The following MMP26 variants were observed in gnomAD, a reference collection of about 807,000 sequenced individuals.
The protein encoded by MMP26 is matrix metalloproteinase-26.
Under a neutral mutation model 31.0 loss-of-function variants are expected in MMP26, and 33 were observed. The observed-to-expected ratio is 1.06, with a 90% CI of 0.81 to 1.42. The LOEUF (loss-of-function observed/expected upper bound fraction) is 1.42. Among genes scored for constraint, MMP26 ranks in the 40% most tolerant of loss-of-function variants. The pLI, the probability that MMP26 is intolerant of heterozygous loss-of-function variation, is 0.00. For synonymous variants in MMP26, 122 were observed against 114.9 expected, an observed-to-expected ratio of 1.06 and a Z score of -0.40; for missense variants, 347 against 316.1, an observed-to-expected ratio of 1.10 and a Z score of -0.74.
intron 1 of MMP26, among the ~76,000 whole-genome samples, chr11:4,708,217 C>A (rs948479052): frequency 6.6e-6 from 1 of 152,186 alleles, no homozygotes; most frequent in Admixed American, 6.5e-5. Flanking sequence ...ACTCGAAGAT[C>A]CATAGCTTTT....
rs528272535 is a variant in MMP26 at position 4,832,947 on chromosome 11, G to C, written c.-145+65606G>C. 4 of 166,130 alleles carry C rather than the reference G, an allele frequency of 2.4e-5. No homozygotes were observed. The East Asian group carries it at 5.9e-4, about 24-fold the overall frequency. 10.3% of individuals were successfully genotyped at this position (166,130 alleles called of 1,614,324 possible). A position where few individuals can be genotyped will look rare whatever the true frequency, so the allele number is the denominator to read the frequency against. On this transcript the variant is annotated intron_variant, in intron 2 of 7. Coordinates refer to ENST00000380390, the MANE Select transcript of MMP26 (RefSeq NM_021801.5). ...CTTTGCTAAGCATAAATCCCCTTTAGCTATGATTCTGATAGCAGATGCATT... is the reference window on the plus strand; with the variant it reads ...CTTTGCTAAGCATAAATCCCCTTTACCTATGATTCTGATAGCAGATGCATT...
At chr11:4,709,652 G>C (rs1847831501) in intron 1 of MMP26, 1 of 457,382 alleles carries the variant, frequency 2.2e-6, no homozygotes, top group Non-Finnish European at 4.4e-6. Context: ...GTCAGATCTG[G>C]ACCTCCATCC....
intron 2 of MMP26, among the ~76,000 whole-genome samples, chr11:4,789,970 A>G (rs1002992245): frequency 6.6e-6 from 1 of 152,190 alleles, no homozygotes; most frequent in African/African-American, 2.4e-5. Flanking sequence ...ATAACAAAAG[A>G]CCTATTAAAT....
chr11:4,865,409 G>A (rs944557732), intron 2 of MMP26, among the ~76,000 whole-genome samples: 5 of 152,008 alleles, frequency 3.3e-5, no homozygotes, highest in African/African-American at 9.7e-5. Flanking sequence ...GAAGTAGAAC[G>A]AATGAATCCT....
intron 2 of MMP26, chr11:4,943,541 A>G (rs1042899531): frequency 8.8e-6 from 4 of 453,306 alleles, no homozygotes; most frequent in Admixed American, 7.1e-5. Context: ...CTTTTGGGTA[A>G]GGGCTATCCT....
chr11:4,859,617 C>G (rs893438650), intron 2 of MMP26: 1 of 437,320 alleles, frequency 2.3e-6, no homozygotes, highest in Non-Finnish European at 4.7e-6. Flanking sequence ...CTACTAGACC[C>G]TATTTTTTTT....
chr11:4,923,876 G>A, intron 2 of MMP26: 1 of 1,613,972 alleles, frequency 6.2e-7, no homozygotes, highest in Non-Finnish European at 8.5e-7. Flanking sequence ...GATGAGGAGA[G>A]CACTTCTAAG....
At chr11:4,897,506 A>G (rs1165804009) in intron 2 of MMP26, among the ~76,000 whole-genome samples, 1 of 152,162 alleles carries the variant, frequency 6.6e-6, no homozygotes, top group Non-Finnish European at 1.5e-5. Context: ...CAAAACATTT[A>G]TTTTTATGAC....
chr11:4,818,656 A>G (rs539832856), intron 2 of MMP26, among the ~76,000 whole-genome samples: 1 of 152,090 alleles, frequency 6.6e-6, no homozygotes, highest in Admixed American at 6.5e-5. Context: ...ATTTTTTCCT[A>G]TATTCTTCAA....
At chr11:4,793,687 C>A (rs1718185601) in intron 2 of MMP26, 1 of 152,080 alleles carries the variant, frequency 6.6e-6, no homozygotes, top group Admixed American at 6.6e-5. Context: ...AATTTAATAA[C>A]AGCTTGGGAT....
chr11:4,713,247 T>C (rs1038442566), intron 1 of MMP26, among the ~76,000 whole-genome samples: 1 of 152,134 alleles, frequency 6.6e-6, no homozygotes, highest in African/African-American at 2.4e-5. Flanking sequence ...CTAAGTTCCA[T>C]GCTGTGTTAT....
chr11:4,887,369 A>G (rs1324449288), intron 2 of MMP26, among the ~76,000 whole-genome samples: 1 of 152,160 alleles, frequency 6.6e-6, no homozygotes, highest in Non-Finnish European at 1.5e-5. Context: ...GAGAGAAACA[A>G]ACAATATTTA....
At chr11:4,792,308 A>C (rs1849038701) in intron 2 of MMP26, among the ~76,000 whole-genome samples, 1 of 152,184 alleles carries the variant, frequency 6.6e-6, no homozygotes, top group Non-Finnish European at 1.5e-5. Flanking sequence ...TTTCCTTCGG[A>C]GGCAACTTCT....
intron 1 of MMP26, among the ~76,000 whole-genome samples, chr11:4,763,719 CTTTTCTG>C (rs538562269): frequency 2.0e-3 from 302 of 152,216 alleles, no homozygotes; most frequent in Non-Finnish European, 3.3e-3. Flanking sequence ...TAATGGGTTT[CTTTTCTG>C]TTTAACAAAA....
intron 2 of MMP26, among the ~76,000 whole-genome samples, chr11:4,852,570 A>G (rs1036991151): frequency 6.6e-6 from 1 of 152,152 alleles, no homozygotes; most frequent in East Asian, 1.9e-4. Flanking sequence ...AAACTAAACA[A>G]GTGTTGGTGA....
At chr11:4,710,385 C>G (rs1002261661) in intron 1 of MMP26, 1 of 456,814 alleles carries the variant, frequency 2.2e-6, no homozygotes, top group African/African-American at 2.0e-5. Context: ...TGCCCCTCCC[C>G]TTGTGCACAT....
At chr11:4,987,166 G>A (rs975410231) in intron 2 of MMP26, among the ~76,000 whole-genome samples, 1 of 151,826 alleles carries the variant, frequency 6.6e-6, no homozygotes, top group African/African-American at 2.4e-5. Flanking sequence ...ACAGGTGTGA[G>A]CCACTGCACC....
At chr11:4,966,351 A>C (rs1249084977) in intron 2 of MMP26, among the ~76,000 whole-genome samples, 1 of 152,162 alleles carries the variant, frequency 6.6e-6, no homozygotes, top group East Asian at 1.9e-4. Flanking sequence ...ACACTGCTCT[A>C]ACAGCTTGCC....
chr11:4,889,188 G>A lies in MMP26; in HGVS notation c.-144-98880G>A, dbSNP rs368072439. On this transcript the variant is annotated intron_variant, in intron 2 of 7. Coordinates refer to ENST00000380390, the MANE Select transcript of MMP26 (RefSeq NM_021801.5). ...TATAGTCATCCCTTGTTATCCATAG[G>A]AAATTGCTTCCAGGACCCCAAGGAT... Among the ~76,000 whole-genome samples, 4 of 152,138 alleles carry A rather than the reference G, an allele frequency of 2.6e-5. No individual in the cohort carries two copies. The South Asian group carries it at 8.3e-4, about 32-fold the overall frequency.
Sources: allele counts gnomAD v4.1 joint callset (sites outside exome capture counted in the v4.1 genomes callset), GRCh38; gene constraint gnomAD v4.1.1; transcripts MANE v1.5; gene names NCBI Gene and HGNC (gene_info 2026-07-23, HGNC 2026-07-21).